PARVA: variants seen among roughly 807,000 people sequenced by gnomAD.
The protein encoded by PARVA is parvin alpha, also known as alpha-parvin.
A neutral mutation model predicts 52.6 loss-of-function variants in PARVA; 25 were observed. The ratio of observed to expected loss-of-function variants is 0.48; its 90% CI spans 0.35 to 0.66. The LOEUF is 0.66. PARVA is among the 30% of genes least tolerant of loss of function. PARVA has a pLI of 0.01. For missense variants in PARVA, 373 were observed against 450.9 expected (o/e 0.83, Z 1.56); for synonymous variants, 185 against 179.1 (o/e 1.03, Z -0.26).
intron 4 of PARVA, chr11:12,478,251 C>T: frequency 2.4e-6 from 1 of 424,116 alleles, no homozygotes; most frequent in South Asian, 2.1e-5. Flanking sequence ...ACGCCTCCGC[C>T]TCTCCAGAAA....
chr11:12,531,403 A>G lies in PARVA; in HGVS notation c.*3478A>G, dbSNP rs988650889. On this transcript the variant is annotated 3_prime_UTR_variant, in exon 13 of 13. Coordinates refer to ENST00000334956, the MANE Select transcript of PARVA (RefSeq NM_018222.5). ...GTATACTTGAAGCTTATTTGCATCA[A>G]CAGTATTCTGGAGCTGTAATTTTTC... 6.6e-6 allele frequency among the ~76,000 whole-genome samples: 1 copy of G among 152,178 alleles called. No individual in the cohort carries two copies. Among genetic ancestry groups the G allele is most frequent in the Non-Finnish European group, 1.5e-5 (1 of 68,030 alleles).
At chr11:12,393,044 G>GAAAAAAAAAAAAAAAAAAAAAAA (rs60966710) in intron 1 of PARVA, among the ~76,000 whole-genome samples, 48 of 46,128 alleles carry the variant, frequency 1.0e-3, no homozygotes, top group Middle Eastern at 0.013. Flanking sequence ...CCCAAATTGT[G>GAAAAAAAAAAAAAAAAAAAAAAA]AAAAAAAAAA....
intron 10 of PARVA, 67 bp downstream of exon 10, chr11:12,514,132 C>G: frequency 7.7e-7 from 1 of 1,293,086 alleles, no homozygotes. Context: ...CCAAGTGGCC[C>G]ACCACACTTG....
chr11:12,435,887 G>A (rs946682305), intron 1 of PARVA, among the ~76,000 whole-genome samples: 3 of 151,886 alleles, frequency 2.0e-5, no homozygotes, highest in African/African-American at 4.8e-5. Context: ...GCGTGATCTC[G>A]GCTCACTGCA....
chr11:12,433,139 C>CTGCA (rs1444286100), intron 1 of PARVA, among the ~76,000 whole-genome samples: 1 of 152,198 alleles, frequency 6.6e-6, no homozygotes, highest in East Asian at 1.9e-4. Context: ...GGTGGAAAGG[C>CTGCA]TGCACCTCAC....
intron 1 of PARVA, among the ~76,000 whole-genome samples, chr11:12,383,369 C>T (rs150642911): frequency 7.2e-5 from 11 of 152,302 alleles, no homozygotes; most frequent in African/African-American, 1.2e-4. Flanking sequence ...TGAAGGCACC[C>T]GAATTAGGCC....
At chr11:12,445,718 G>GA (rs942254104) in intron 1 of PARVA, among the ~76,000 whole-genome samples, 3 of 152,260 alleles carry the variant, frequency 2.0e-5, no homozygotes, top group South Asian at 2.1e-4. Flanking sequence ...GATAGGGGCT[G>GA]AAAAAAGCGG....
chr11:12,530,807 G>A lies in PARVA; in HGVS notation c.*2882G>A, dbSNP rs1941763537. On this transcript the variant is annotated 3_prime_UTR_variant, in exon 13 of 13. Transcript: ENST00000334956. ...TTCACATTTTAAAATAACAATCTGA[G>A]CACTTCATAAATCCAAATGCGTATC... is the stretch of plus-strand genomic sequence containing the variant. 2.0e-5 allele frequency: 3 copies of A among 152,094 alleles called. No homozygotes were observed. Among genetic ancestry groups the A allele is most frequent in the Non-Finnish European group, 2.9e-5 (2 of 68,018 alleles). 9.4% of individuals were successfully genotyped at this position (152,094 alleles called of 1,614,324 possible). A position where few individuals can be genotyped will look rare whatever the true frequency, so the allele number is the denominator to read the frequency against.
At chr11:12,472,776 C>A (rs944542437) in intron 1 of PARVA, among the ~76,000 whole-genome samples, 3 of 152,234 alleles carry the variant, frequency 2.0e-5, no homozygotes, top group East Asian at 3.9e-4. Context: ...TCTTGGTGAC[C>A]AACGCCTTCT....
chr11:12,424,288 A>T (rs570047664), intron 1 of PARVA, among the ~76,000 whole-genome samples: 1 of 152,058 alleles, frequency 6.6e-6, no homozygotes, highest in Non-Finnish European at 1.5e-5. Context: ...CTTTTATATC[A>T]TCTGCAAAAC....
chr11:12,483,089 C>T (rs952794046), intron 4 of PARVA, among the ~76,000 whole-genome samples: 1 of 152,218 alleles, frequency 6.6e-6, no homozygotes, highest in Non-Finnish European at 1.5e-5. Flanking sequence ...GCCACATGCC[C>T]CTTGCTCACA....
chr11:12,487,168 G>A (rs1191113702), intron 4 of PARVA, among the ~76,000 whole-genome samples: 3 of 152,140 alleles, frequency 2.0e-5, no homozygotes, highest in Admixed American at 2.0e-4. Flanking sequence ...GATTCTATGT[G>A]GTGGATGTTG....
At chr11:12,382,502 C>A (rs1181825562) in intron 1 of PARVA, among the ~76,000 whole-genome samples, 1 of 151,490 alleles carries the variant, frequency 6.6e-6, no homozygotes, top group Non-Finnish European at 1.5e-5. Flanking sequence ...ATAAGTGGAC[C>A]CTCGCAGTTC....
intron 4 of PARVA, among the ~76,000 whole-genome samples, chr11:12,487,903 G>C (rs1941182161): frequency 6.6e-6 from 1 of 152,116 alleles, no homozygotes; most frequent in South Asian, 2.1e-4. Flanking sequence ...ATGGGACTAG[G>C]GAACTTGGGA....
chr11:12,496,340 T>TAGCAAGAGTGCATGCA, intron 4 of PARVA, 118 bp from the exon 5 acceptor site: 1 of 394,064 alleles, frequency 2.5e-6, no homozygotes, highest in Non-Finnish European at 3.8e-6. Flanking sequence ...GTATCTATTG[T>TAGCAAGAGTGCATGCA]TGCAAGAGTG....
At chr11:12,391,954 A>G (rs1005439386) in intron 1 of PARVA, among the ~76,000 whole-genome samples, 42 of 152,184 alleles carry the variant, frequency 2.8e-4, no homozygotes, top group African/African-American at 9.1e-4. Context: ...GCCACAATCA[A>G]TTTTAGAGCA....
chr11:12,379,053 T>G (rs1939446969), intron 1 of PARVA, among the ~76,000 whole-genome samples: 1 of 152,224 alleles, frequency 6.6e-6, no homozygotes. Context: ...GGATTATTCA[T>G]GTCTCCTCTT....
intron 1 of PARVA, among the ~76,000 whole-genome samples, chr11:12,463,578 T>G (rs768672208): frequency 1.3e-5 from 2 of 152,216 alleles, no homozygotes; most frequent in African/African-American, 2.4e-5. Flanking sequence ...ATATTGGTCT[T>G]GTTTTCCTGG....
intron 1 of PARVA, among the ~76,000 whole-genome samples, chr11:12,426,862 A>G (rs7950062): frequency 0.97 from 147,435 of 152,252 alleles, 71,559 homozygotes; most frequent in East Asian, 1. Flanking sequence ...GTAAGAGGCC[A>G]TAGCTTGGAC....
Sources: allele counts gnomAD v4.1 joint callset (sites outside exome capture counted in the v4.1 genomes callset), GRCh38; gene constraint gnomAD v4.1.1; transcripts MANE v1.5; gene names NCBI Gene and HGNC (gene_info 2026-07-23, HGNC 2026-07-21).